ATG4A: variants seen among roughly 807,000 people sequenced by gnomAD.
ATG4A encodes autophagy related 4A cysteine peptidase, also known as cysteine protease ATG4A.
Under a neutral mutation model 38.4 loss-of-function variants are expected in ATG4A, and 22 were observed. The observed-to-expected ratio is 0.57, with a 90% CI of 0.41 to 0.82. The LOEUF is 0.82. ATG4A is among the 40% of genes least tolerant of loss of function. The probability of loss-of-function intolerance (pLI) is 0.00; values close to 1 mark genes in which losing one functional copy is unlikely to be tolerated. For missense variants in ATG4A, 220 were observed against 290.0 expected (o/e 0.76, Z 1.75); for synonymous variants, 86 against 100.7 (o/e 0.85, Z 0.88).
chrX:108,137,224 C>A, intron 7 of ATG4A, 54 bp downstream of exon 7: 1 of 1,035,384 alleles, frequency 9.7e-7, no homozygotes, highest in Non-Finnish European at 1.3e-6. Flanking sequence ...GTTCCTCCCT[C>A]ACCATTCAGT....
intron 4 of ATG4A, 57 bp from the exon 5 acceptor site, chrX:108,134,000 C>A: frequency 1.1e-6 from 1 of 929,551 alleles, no homozygotes; most frequent in Non-Finnish European, 1.5e-6. Flanking sequence ...AATAAAAGTG[C>A]AGAGAGGAAT....
chrX:108,131,385 T>C, intron 4 of ATG4A, 27 bp downstream of exon 4: 1 of 1,170,907 alleles, frequency 8.5e-7, no homozygotes, highest in Non-Finnish European at 1.2e-6. Flanking sequence ...TTATAAACTT[T>C]CTCAGAGACC....
At chrX:108,095,029 A>G (rs1015629371) in intron 1 of ATG4A, among the ~76,000 whole-genome samples, 1 of 112,293 alleles carries the variant, frequency 8.9e-6, no homozygotes, top group Non-Finnish European at 1.9e-5. Context: ...ATCTTGGCAC[A>G]CTGCTATCTT....
At chrX:108,094,528 A>G (rs1413517990) in intron 1 of ATG4A, among the ~76,000 whole-genome samples, 1 of 111,282 alleles carries the variant, frequency 9.0e-6, no homozygotes, top group African/African-American at 3.3e-5. Flanking sequence ...ACTTTCTCAC[A>G]CTTTTCTTGT....
chrX:108,150,113 G>C, intron 9 of ATG4A, 39 bp from the exon 10 acceptor site: 2 of 1,202,618 alleles, frequency 1.7e-6, no homozygotes, highest in East Asian at 3.0e-5. Context: ...GCCAGGACCG[G>C]TAATCCTTTG....
chrX:108,112,690 C>T (rs939621094), intron 1 of ATG4A, among the ~76,000 whole-genome samples: 2 of 111,286 alleles, frequency 1.8e-5, no homozygotes, highest in South Asian at 3.8e-4. Context: ...CCACCACGCC[C>T]GGCCCTTCCC....
At chrX:108,134,239 A>G in intron 5 of ATG4A, 81 bp downstream of exon 5, 1 of 1,132,154 alleles carries the variant, frequency 8.8e-7, no homozygotes, top group Non-Finnish European at 1.2e-6. Flanking sequence ...GGCTCCATTA[A>G]GTTGTCCATC....
intron 3 of ATG4A, among the ~76,000 whole-genome samples, chrX:108,130,104 C>T (rs1203822951): frequency 9.0e-6 from 1 of 110,894 alleles, no homozygotes; most frequent in Non-Finnish European, 1.9e-5. Context: ...CCAATAATCC[C>T]AGCATTAGCA....
chrX:108,107,858 T>G (rs1388505542), intron 1 of ATG4A, among the ~76,000 whole-genome samples: 1 of 111,315 alleles, frequency 9.0e-6, no homozygotes, highest in Non-Finnish European at 1.9e-5. Flanking sequence ...GACAGGCCTC[T>G]ACAACCATCA....
At chrX:108,090,511 A>AT (rs1408751521), upstream of ATG4A, among the ~76,000 whole-genome samples, 4 of 112,249 alleles carry the variant, frequency 3.6e-5, no homozygotes, top group African/African-American at 1.3e-4. Flanking sequence ...AGATAAGGCC[A>AT]TTTTCAGGTT....
At chrX:108,148,517 T>C (rs868233593) in intron 9 of ATG4A, among the ~76,000 whole-genome samples, 3 of 94,932 alleles carry the variant, frequency 3.2e-5, no homozygotes, top group East Asian at 3.3e-4. Flanking sequence ...TCCATGCACA[T>C]ACACACACAC....
intron 1 of ATG4A, among the ~76,000 whole-genome samples, chrX:108,101,575 T>A (rs1207571544): frequency 9.1e-6 from 1 of 109,741 alleles, no homozygotes. Flanking sequence ...GTATTTTTTT[T>A]ATCACAGTAA....
At chrX:108,089,420 G>C (rs1284137568), upstream of ATG4A, among the ~76,000 whole-genome samples, 1 of 111,896 alleles carries the variant, frequency 8.9e-6, no homozygotes, top group Non-Finnish European at 1.9e-5. Flanking sequence ...GAATCTAATG[G>C]GGGAAGAAAT....
chrX:108,094,576 GTAT>G (rs2031744748), intron 1 of ATG4A, among the ~76,000 whole-genome samples: 1 of 111,559 alleles, frequency 9.0e-6, no homozygotes, highest in South Asian at 3.7e-4. Context: ...TACTGGTCAG[GTAT>G]TTTGTAGAAA....
chrX:108,121,891 AC>A (rs2032661342), intron 1 of ATG4A, among the ~76,000 whole-genome samples: 1 of 111,874 alleles, frequency 8.9e-6, no homozygotes, highest in East Asian at 2.8e-4. Flanking sequence ...TTCAGCTGTT[AC>A]CCTACCTATC....
rs921056421 is a variant in ATG4A at position 108,149,987 on chromosome X, A to G, written c.815-165A>G. On this transcript the variant is annotated intron_variant, in intron 9 of 12. Transcript: ENST00000372232. Reference sequence around the variant, plus strand: ...CATTGAATGATAAGATTTGGGCGCAAGTGGCTTCCTTTAAGCATGCTCACC... The same window carrying G: ...CATTGAATGATAAGATTTGGGCGCAGGTGGCTTCCTTTAAGCATGCTCACC... 7 of 509,087 alleles carry G rather than the reference A, an allele frequency of 1.4e-5. No homozygotes were observed. The Admixed American group carries it at 2.5e-4, about 18-fold the overall frequency. The allele number at this position is 509,087 out of a possible 1,213,427, so 42.0% of individuals were successfully genotyped here. A position where few individuals can be genotyped will look rare whatever the true frequency, so the allele number is the denominator to read the frequency against.
intron 1 of ATG4A, among the ~76,000 whole-genome samples, chrX:108,117,403 A>T (rs1307075057): frequency 8.9e-6 from 1 of 112,135 alleles, no homozygotes; most frequent in East Asian, 2.8e-4. Flanking sequence ...GTTTAGAAGA[A>T]GGAGCAAGTA....
intron 4 of ATG4A, 49 bp downstream of exon 4, chrX:108,131,407 A>G (rs1319340858): frequency 1.8e-6 from 2 of 1,114,982 alleles, no homozygotes; most frequent in South Asian, 3.7e-5. Flanking sequence ...CTGCAGTATC[A>G]CTTGCTGCTG....
intron 2 of ATG4A, 68 bp downstream of exon 2, chrX:108,126,255 C>A: frequency 1.3e-6 from 1 of 768,366 alleles, no homozygotes; most frequent in Non-Finnish European, 2.0e-6. Flanking sequence ...AGGGTTTGTA[C>A]TTTTTCTTCT....
Sources: allele counts gnomAD v4.1 joint callset (sites outside exome capture counted in the v4.1 genomes callset), GRCh38; gene constraint gnomAD v4.1.1; transcripts MANE v1.5; gene names NCBI Gene and HGNC (gene_info 2026-07-23, HGNC 2026-07-21).